The following SERGEF variants were observed in gnomAD, a reference collection of about 807,000 sequenced individuals.
SERGEF encodes secretion-regulating guanine nucleotide exchange factor.
In SERGEF, 51 loss-of-function variants were observed where a neutral mutation model predicts 50.0. That is an observed-to-expected ratio of 1.02 (90% CI 0.81 to 1.29). The LOEUF (loss-of-function observed/expected upper bound fraction) is 1.29. Ranked by LOEUF, SERGEF falls within the 50% of genes most tolerant of loss-of-function variation. The pLI is 0.00. For missense variants in SERGEF, 521 were observed against 557.0 expected (o/e 0.94, Z 0.65); for synonymous variants, 205 against 212.4 (o/e 0.97, Z 0.30).
intron 10 of SERGEF, among the ~76,000 whole-genome samples, chr11:17,818,827 T>A (rs959242055): frequency 3.3e-5 from 5 of 152,228 alleles, no homozygotes; most frequent in Non-Finnish European, 5.9e-5. Context: ...TAGCTCCTTT[T>A]CTGGCCTGTC....
At chr11:17,825,170 G>C (rs532089059) in intron 10 of SERGEF, among the ~76,000 whole-genome samples, 1 of 152,292 alleles carries the variant, frequency 6.6e-6, no homozygotes, top group African/African-American at 2.4e-5. Context: ...ACTGAGTTAT[G>C]TGCTGGGGAC....
rs1447074265 is a variant in SERGEF, at chr11:17,884,379, C to T, written c.1012-6135G>A. Among the ~76,000 whole-genome samples, 1 of 152,026 alleles carries T rather than the reference C, an allele frequency of 6.6e-6. No homozygotes were observed. The highest frequency in any genetic ancestry group is 1.5e-5 in the Non-Finnish European group (1 of 68,010). ...TGGCAGCCCCAGCTGGCTGGGCAGC[C>T]TGCGCCGCCTGGGTTAACAGGGCGA... On this transcript the variant is annotated intron_variant, in intron 9 of 10. Coordinates refer to ENST00000265965, the MANE Select transcript of SERGEF (RefSeq NM_012139.4). This position sits in a 1 kb window ranked among gnomAD's most constrained non-coding sequence, Gnocchi z 4.6.
At chr11:17,922,639 T>C (rs1852180213) in intron 9 of SERGEF, among the ~76,000 whole-genome samples, 1 of 152,154 alleles carries the variant, frequency 6.6e-6, no homozygotes, top group Admixed American at 6.5e-5. Flanking sequence ...TTTAGTCCCC[T>C]GAGAACAAGC....
intron 9 of SERGEF, among the ~76,000 whole-genome samples, chr11:17,920,866 T>C (rs764708770): frequency 1.3e-5 from 2 of 152,256 alleles, no homozygotes; most frequent in East Asian, 1.9e-4. Context: ...AAGTGCAAGT[T>C]TGAAGAATCA....
At chr11:17,844,250 T>C (rs1028436897) in intron 10 of SERGEF, among the ~76,000 whole-genome samples, 4 of 152,228 alleles carry the variant, frequency 2.6e-5, no homozygotes, top group African/African-American at 7.2e-5. Flanking sequence ...TTTTATACAT[T>C]ATATACATAT....
At chr11:17,875,876 G>C (rs530618951) in intron 10 of SERGEF, among the ~76,000 whole-genome samples, 2 of 152,234 alleles carry the variant, frequency 1.3e-5, no homozygotes, top group East Asian at 1.9e-4. Context: ...CACAGCACCA[G>C]GCACTGAAGG....
intron 9 of SERGEF, among the ~76,000 whole-genome samples, chr11:17,956,249 C>T (rs1047616796): frequency 2.6e-5 from 4 of 152,170 alleles, no homozygotes; most frequent in Non-Finnish European, 5.9e-5. Flanking sequence ...GACCCTTATT[C>T]CCAGATTTCA....
At chr11:17,912,885 GC>G (rs1851980793) in intron 9 of SERGEF, among the ~76,000 whole-genome samples, 1 of 152,078 alleles carries the variant, frequency 6.6e-6, no homozygotes, top group East Asian at 1.9e-4. Context: ...CCCTATCCTA[GC>G]CCCAGTTTTC....
At chr11:18,000,810 A>G in intron 4 of SERGEF, 1 of 638,222 alleles carries the variant, frequency 1.6e-6, no homozygotes, top group East Asian at 3.3e-5. Context: ...TTCTAAGGTC[A>G]TCTAGTCCAA....
At chr11:17,864,899 C>A (rs1173334480) in intron 10 of SERGEF, among the ~76,000 whole-genome samples, 1 of 152,150 alleles carries the variant, frequency 6.6e-6, no homozygotes, top group African/African-American at 2.4e-5. Context: ...CAACAGGACC[C>A]AGGAAGGCAG....
At chr11:17,946,436 C>T (rs1408579564) in intron 9 of SERGEF, among the ~76,000 whole-genome samples, 2 of 152,166 alleles carry the variant, frequency 1.3e-5, no homozygotes. Context: ...ATGCTACCTG[C>T]TGTCATTATT....
chr11:17,845,951 T>A (rs950868155), intron 10 of SERGEF, among the ~76,000 whole-genome samples: 1 of 152,168 alleles, frequency 6.6e-6, no homozygotes, highest in Non-Finnish European at 1.5e-5. Context: ...CAGATTTTTT[T>A]AAATGCTTGT....
intron 8 of SERGEF, among the ~76,000 whole-genome samples, chr11:17,973,323 C>G (rs944691747): frequency 2.6e-5 from 4 of 152,238 alleles, no homozygotes; most frequent in African/African-American, 9.7e-5. Flanking sequence ...TTCTGCAAAG[C>G]CCATCCACTG....
chr11:17,795,929 C>T (rs1362946253), intron 10 of SERGEF, among the ~76,000 whole-genome samples: 1 of 152,200 alleles, frequency 6.6e-6, no homozygotes, highest in Non-Finnish European at 1.5e-5. Flanking sequence ...AGAACATTCA[C>T]CAGTAGAAGA....
In SERGEF at chr11:18,006,692, C is replaced by A; in HGVS notation, c.251G>T (p.Gly84Val). Residue 84 changes from glycine (G) to valine (V), a missense_variant, in exon 3 of 11, where the codon GGT becomes GTT. Coordinates refer to ENST00000265965, the MANE Select transcript of SERGEF (RefSeq NM_012139.4). Reference protein sequence around the residue: ...GLNKDGQLGLGHTEDIPYFTP... With the variant: ...GLNKDGQLGLVHTEDIPYFTP... ...AAAATATGGGATATCCTCTGTGTGA[C>A]CAAGCCCCAGTTGCCCATCTTTGTT... 1 of 1,614,164 alleles carries A rather than the reference C, an allele frequency of 6.2e-7. No individual in the cohort carries two copies. Among genetic ancestry groups the A allele is most frequent in the Non-Finnish European group, 8.5e-7 (1 of 1,180,030 alleles).
chr11:17,982,252 T>C (rs892127963), intron 8 of SERGEF, among the ~76,000 whole-genome samples: 3 of 152,228 alleles, frequency 2.0e-5, no homozygotes, highest in Non-Finnish European at 4.4e-5. Context: ...TGAGACTTGA[T>C]TGAGTTCTGG....
intron 9 of SERGEF, chr11:17,939,442 T>G (rs1852519038): frequency 1.3e-5 from 2 of 152,074 alleles, no homozygotes; most frequent in Non-Finnish European, 1.5e-5. Flanking sequence ...AGTATTTGAG[T>G]GTGGACAGAA....
intron 9 of SERGEF, among the ~76,000 whole-genome samples, chr11:17,941,342 T>C (rs1852559171): frequency 6.6e-6 from 1 of 152,182 alleles, no homozygotes; most frequent in Admixed American, 6.5e-5. Flanking sequence ...TCTTTTCATC[T>C]TGCAAAACTA....
chr11:17,976,457 AT>A (rs67114053), intron 8 of SERGEF, among the ~76,000 whole-genome samples: 5,277 of 98,934 alleles, frequency 0.053, 135 homozygotes, highest in South Asian at 0.068. Flanking sequence ...GCTAATTTTC[AT>A]TTTTTTTTTT....
Sources: allele counts gnomAD v4.1 joint callset (sites outside exome capture counted in the v4.1 genomes callset), GRCh38; gene constraint gnomAD v4.1.1; non-coding constraint Gnocchi (gnomAD v3.1); transcripts MANE v1.5; gene names NCBI Gene and HGNC (gene_info 2026-07-23, HGNC 2026-07-21).